The following IFT172 variants were observed in gnomAD, a reference collection of about 807,000 sequenced individuals.
The protein encoded by IFT172 is intraflagellar transport 172.
Under a neutral mutation model 248.9 loss-of-function variants are expected in IFT172, and 164 were observed. The observed-to-expected ratio is 0.66, with a 90% confidence interval of 0.58 to 0.75. IFT172 has a LOEUF of 0.75. Ranked by LOEUF, IFT172 falls within the 30% of genes least tolerant of loss-of-function variation. The probability of loss-of-function intolerance (pLI) is 0.00; values close to 1 mark genes in which losing one functional copy is unlikely to be tolerated. For synonymous variants in IFT172, 729 were observed against 791.6 expected (o/e 0.92, Z 1.33); for missense variants, 1,950 against 2,192.4 (o/e 0.89, Z 2.21).
intron 24 of IFT172, 70 bp downstream of exon 24, chr2:27,459,639 G>A (rs1055008172): frequency 1.9e-6 from 3 of 1,604,924 alleles, no homozygotes; most frequent in Admixed American, 1.7e-5. Flanking sequence ...TTAAGGCCTT[G>A]GTGTCCTTAC....
Position 27,453,976 on chromosome 2 carries a change from C to A in IFT172, c.3711+6G>T, listed in dbSNP as rs1665940775. On this transcript the variant is annotated splice_donor_region_variant and intron_variant, in intron 33 of 47. Coordinates refer to ENST00000260570, the MANE Select transcript of IFT172 (RefSeq NM_015662.3). Reference sequence around the variant, plus strand: ...TCCCCTCATGGCCCTGCATCCAGTGCCCCACCTTATAATAATTGAGGGCCA... The same window carrying A: ...TCCCCTCATGGCCCTGCATCCAGTGACCCACCTTATAATAATTGAGGGCCA... 6.2e-7 allele frequency: 1 copy of A among 1,609,492 alleles called. No homozygotes were observed. The highest frequency in any genetic ancestry group is 1.3e-5 in the African/African-American group (1 of 74,604).
At chr2:27,446,680 A>ATTTTTTTTTT (rs766069964) in intron 42 of IFT172, among the ~76,000 whole-genome samples, 9 of 80,466 alleles carry the variant, frequency 1.1e-4, no homozygotes, top group Admixed American at 1.7e-4. Flanking sequence ...TGCCTGGCTA[A>ATTTTTTTTTT]TTTTTTTTTT....
At chr2:27,449,157 A>G in intron 39 of IFT172, 126 bp from the exon 40 acceptor site, 2 of 1,222,954 alleles carry the variant, frequency 1.6e-6, no homozygotes, top group South Asian at 1.2e-5. Context: ...CCCCAGTTTC[A>G]GACTGAGCTT....
At chr2:27,481,955 G>A (rs1404770136) in intron 7 of IFT172, among the ~76,000 whole-genome samples, 2 of 151,558 alleles carry the variant, frequency 1.3e-5, no homozygotes, top group Admixed American at 6.6e-5. Flanking sequence ...TTTTAAGGAG[G>A]GTCAAATTTC....
At chr2:27,470,325 AAAAG>A (rs962933946) in intron 16 of IFT172, among the ~76,000 whole-genome samples, 190 of 152,220 alleles carry the variant, frequency 1.2e-3, no homozygotes, top group African/African-American at 3.8e-3. Context: ...AAGAGAAAGA[AAAAG>A]AAAGAAAGAA....
chr2:27,447,671 C>G (rs1665270309), intron 41 of IFT172, 37 bp from the exon 42 acceptor site: 14 of 1,613,714 alleles, frequency 8.7e-6, no homozygotes, highest in Non-Finnish European at 1.2e-5. Flanking sequence ...GCTCAGGGGT[C>G]AGAGGAGTGC....
rs909563015 is a variant in IFT172 at position 27,447,383 on chromosome 2, A to G, written c.4659+132T>C. ...AGGGCTAAAGATTTGTTTAGACAGA[A>G]GAGAAGCTGAAAGACAGGTGGGGAG... On this transcript the variant is annotated intron_variant, in intron 42 of 47. Coordinates refer to ENST00000260570, the MANE Select transcript of IFT172 (RefSeq NM_015662.3). 2.2e-5 allele frequency: 30 copies of G among 1,342,004 alleles called. No individual in the cohort carries two copies. In the African/African-American group the frequency reaches 4.1e-4, roughly 18 times the overall value. The allele number at this position is 1,342,004 out of a possible 1,614,324, so 83.1% of individuals were successfully genotyped here. A position where few individuals can be genotyped will look rare whatever the true frequency, so the allele number is the denominator to read the frequency against.
chr2:27,455,887 A>G, intron 30 of IFT172: 1 of 389,360 alleles, frequency 2.6e-6, no homozygotes, highest in South Asian at 2.1e-5. Flanking sequence ...TTTACAAATA[A>G]AATGCTTCAC....
intron 41 of IFT172, 46 bp from the exon 42 acceptor site, chr2:27,447,680 G>A: frequency 1.9e-6 from 3 of 1,613,596 alleles, no homozygotes; most frequent in Non-Finnish European, 2.5e-6. Flanking sequence ...TCAGAGGAGT[G>A]CCAGGGCCAT....
Position 27,461,322 on chromosome 2 carries a change from C to G in IFT172, c.2389G>C (p.Glu797Gln). The change falls in exon 22 of 48, where the codon GAG (glutamate) becomes CAG (glutamine). Residue 797 changes from glutamate (E) to glutamine (Q), a missense_variant. Physicochemically the swap from Glu to Gln is conservative, Grantham distance 29. This residue lies in a region of IFT172 where 1,166 missense variants were observed against 1,254.1 expected (regional missense o/e 0.93). Coordinates refer to ENST00000260570, the MANE Select transcript of IFT172 (RefSeq NM_015662.3). Reference sequence around the variant, plus strand: ...GCTGCAGTGATGTGTTCTACCAGCTCTGTGTTGGCTAGCAGTTCCTCTCGG... The same window carrying G: ...GCTGCAGTGATGTGTTCTACCAGCTGTGTGTTGGCTAGCAGTTCCTCTCGG... The part of the protein sequence containing the change: ...LTREELLANT[E>Q]LVEHITAALI... 6.2e-7 allele frequency: 1 copy of G among 1,614,150 alleles called. No individual in the cohort carries two copies. The highest frequency in any genetic ancestry group is 8.5e-7 in the Non-Finnish European group (1 of 1,180,016).
At chr2:27,474,902 A>G (rs1667855591) in intron 14 of IFT172, among the ~76,000 whole-genome samples, 1 of 152,130 alleles carries the variant, frequency 6.6e-6, no homozygotes, top group Admixed American at 6.6e-5. Context: ...TTTAAAGTGA[A>G]ATGTCTGAAC....
Position 27,476,623 on chromosome 2 carries a change from TGA to T in IFT172, c.1411+16_1411+17del, listed in dbSNP as rs762888465. The T allele has an allele frequency of 6.5e-6, 9 of 1,388,078 alleles. No individual in the cohort carries two copies. Among genetic ancestry groups the T allele is most frequent in the South Asian group, 4.7e-5 (4 of 84,504 alleles). The allele number at this position is 1,388,078 out of a possible 1,614,324, so 86.0% of individuals were successfully genotyped here. Reference sequence around the variant, plus strand: ...AACATCTATTTTGTTATTAAAATTATGAGAGAGTCTTACTCACCTATAGCAAT... The same window carrying T: ...AACATCTATTTTGTTATTAAAATTATGAGAGTCTTACTCACCTATAGCAAT... On this transcript the variant is annotated intron_variant, in intron 14 of 47. Transcript: ENST00000260570.
chr2:27,449,216 G>A, intron 39 of IFT172, 78 bp downstream of exon 39: 1 of 1,553,438 alleles, frequency 6.4e-7, no homozygotes, highest in Non-Finnish European at 8.9e-7. Flanking sequence ...TGTGGAGGTA[G>A]AAGAGATGCA....
At chr2:27,464,962 C>T (rs1666980167) in intron 18 of IFT172, among the ~76,000 whole-genome samples, 1 of 147,834 alleles carries the variant, frequency 6.8e-6, no homozygotes, top group Non-Finnish European at 1.5e-5. Context: ...TGCTCTGTCA[C>T]CCAGGCTGGA....
Position 27,478,054 on chromosome 2 carries a change from C to T in IFT172, c.1108G>A (p.Val370Met), listed in dbSNP as rs1186256423. 12 of 1,614,076 alleles carry T rather than the reference C, an allele frequency of 7.4e-6. No homozygotes were observed. Among genetic ancestry groups the T allele is most frequent in the African/African-American group, 2.7e-5 (2 of 74,914 alleles). ...AGCAGTGTTTCTGATGTGTGAGCCA[C>T]CAAGTAACGTTCCTTTCCTAGGATT... ...VKILGKERYLVAHTSETLLLG... is the reference protein window; with the variant it reads ...VKILGKERYLMAHTSETLLLG... Residue 370 changes from valine (V) to methionine (M), a missense_variant, in exon 11 of 48, where the codon GTG (valine) becomes ATG (methionine). Physicochemically the swap from Val to Met is conservative, Grantham distance 21 (BLOSUM62 1). Coordinates refer to ENST00000260570, the MANE Select transcript of IFT172 (RefSeq NM_015662.3).
chr2:27,458,051 A>G (rs1369247531), intron 27 of IFT172, 75 bp from the exon 28 acceptor site: 3 of 1,612,322 alleles, frequency 1.9e-6, no homozygotes, highest in East Asian at 2.2e-5. Context: ...GAGGGTACAC[A>G]TCCTCAGACC....
chr2:27,477,068 G>A, intron 13 of IFT172, 149 bp downstream of exon 13: 2 of 715,130 alleles, frequency 2.8e-6, no homozygotes, highest in South Asian at 1.7e-5. Context: ...CAAGTAATCT[G>A]CTTGCCTCCT....
chr2:27,467,418 G>GAAAAAAAAAA (rs34115935), intron 16 of IFT172, among the ~76,000 whole-genome samples: 1 of 16,428 alleles, frequency 6.1e-5, no homozygotes, highest in Non-Finnish European at 1.1e-4. Flanking sequence ...ACAGAAAATT[G>GAAAAAAAAAA]AAAAAAAAAA....
chr2:27,478,025 C>A lies in IFT172; in HGVS notation c.1137G>T (p.Leu379=). 1 of 1,614,182 alleles carries A rather than the reference C, an allele frequency of 6.2e-7. No individual in the cohort carries two copies. Among genetic ancestry groups the A allele is most frequent in the Non-Finnish European group, 8.5e-7 (1 of 1,180,038 alleles). ...LVAHTSETLL[L]GDLNTNRLSE... ...TAAGCCGATTAGTGTTCAGGTCCCC[C>A]AGCAGCAGTGTTTCTGATGTGTGAG... is the stretch of plus-strand genomic sequence containing the variant. Residue 379 remains leucine, a synonymous_variant, in exon 11 of 48, where the codon CTG becomes CTT. Coordinates refer to ENST00000260570, the MANE Select transcript of IFT172 (RefSeq NM_015662.3).
Sources: allele counts gnomAD v4.1 joint callset (sites outside exome capture counted in the v4.1 genomes callset), GRCh38; gene constraint gnomAD v4.1.1; regional missense constraint gnomAD v4.1.1; transcripts MANE v1.5; gene names NCBI Gene and HGNC (gene_info 2026-07-23, HGNC 2026-07-21).